The following TRPV3 variants were observed in gnomAD, a reference collection of about 807,000 sequenced individuals.
TRPV3 encodes the protein transient receptor potential cation channel subfamily V member 3, also known as VRL-3.
A neutral mutation model predicts 87.1 loss-of-function variants in TRPV3; 88 were observed. The ratio of observed to expected loss-of-function variants is 1.01; its 90% CI spans 0.85 to 1.21. The LOEUF (loss-of-function observed/expected upper bound fraction) is 1.21. TRPV3 is among the 50% of genes most tolerant of loss of function. The probability of loss-of-function intolerance (pLI) is 0.00; values close to 1 mark genes in which losing one functional copy is unlikely to be tolerated. For synonymous variants in TRPV3, 438 were observed against 423.3 expected (o/e 1.03, Z -0.43); for missense variants, 1,054 against 1,030.1 (o/e 1.02, Z -0.32).
chr17:3,531,539 C>T (rs1292347317), intron 8 of TRPV3, among the ~76,000 whole-genome samples: 3 of 152,178 alleles, frequency 2.0e-5, no homozygotes, highest in African/African-American at 7.2e-5. Context: ...TCCCCCGGGC[C>T]GGCCACAGCG....
intron 7 of TRPV3, among the ~76,000 whole-genome samples, chr17:3,535,126 GC>G (rs2074386681): frequency 6.6e-6 from 1 of 150,898 alleles, no homozygotes; most frequent in Non-Finnish European, 1.5e-5. Context: ...AAGCGGGGTG[GC>G]CCCTCCCTTC....
chr17:3,527,021 G>T, intron 11 of TRPV3, 94 bp from the exon 12 acceptor site: 1 of 1,012,736 alleles, frequency 9.9e-7, no homozygotes, highest in Non-Finnish European at 1.5e-6. Flanking sequence ...AAGACTCAGT[G>T]AGGGTTGAAT....
chr17:3,525,134 C>T (rs899970779), intron 12 of TRPV3, among the ~76,000 whole-genome samples: 5 of 152,068 alleles, frequency 3.3e-5, no homozygotes, highest in African/African-American at 7.2e-5. Flanking sequence ...ATTCTCCTGC[C>T]TCAGCCTCCC....
At position 3,530,142 on chromosome 17, in the gene TRPV3, T is replaced by A. The variant is rs2150789863; in HGVS notation, c.1127A>T (p.Lys376Met). The stretch of plus-strand genomic sequence containing the variant: ...GGGTCCGTACGCCCAGTCGGTGAAC[T>A]TCCTGGACAGGCTCCGGAGCCGCTT... ...KEKRLRSLSR[K>M]FTDWAYGPVS... The change falls in exon 9 of 18, where the codon AAG becomes ATG. Residue 376 changes from lysine to methionine, a missense_variant. Coordinates refer to ENST00000576742, the MANE Select transcript of TRPV3 (RefSeq NM_145068.4). This position sits in a 1 kb window ranked among gnomAD's most constrained non-coding sequence, Gnocchi z 4.0. 1 of 1,614,066 alleles carries A rather than the reference T, an allele frequency of 6.2e-7. No individual in the cohort carries two copies. The highest frequency in any genetic ancestry group is 2.2e-5 in the East Asian group (1 of 44,876).
intron 17 of TRPV3, 27 bp from the exon 18 acceptor site, chr17:3,514,038 A>G: frequency 6.5e-7 from 1 of 1,529,876 alleles, no homozygotes; most frequent in South Asian, 1.1e-5. Flanking sequence ...TATATATTTT[A>G]GAAATATATC....
At chr17:3,526,123 T>C (rs1054016500) in intron 12 of TRPV3, among the ~76,000 whole-genome samples, 7 of 152,118 alleles carry the variant, frequency 4.6e-5, no homozygotes, top group Non-Finnish European at 8.8e-5. Context: ...AACCATCTAA[T>C]TCATCAACTG....
Position 3,513,835 on chromosome 17 carries a change from C to T in TRPV3, c.*82G>A. On this transcript the variant is annotated 3_prime_UTR_variant, in exon 18 of 18. Coordinates refer to ENST00000576742, the MANE Select transcript of TRPV3 (RefSeq NM_145068.4). The stretch of plus-strand genomic sequence containing the variant: ...CCAGCAGAGCCGGACTCCACCATCC[C>T]TCAAAGCCTCTCTGCACAGAGTCGG... 8.0e-7 allele frequency: 1 copy of T among 1,253,910 alleles called. No homozygotes were observed. The highest frequency in any genetic ancestry group is 1.2e-6 in the Non-Finnish European group (1 of 867,930). The allele number at this position is 1,253,910 out of a possible 1,614,324, so 77.7% of individuals were successfully genotyped here. A position where few individuals can be genotyped will look rare whatever the true frequency, so the allele number is the denominator to read the frequency against.
intron 2 of TRPV3, among the ~76,000 whole-genome samples, chr17:3,548,348 G>C (rs562387711): frequency 2.0e-4 from 31 of 152,330 alleles, no homozygotes; most frequent in African/African-American, 6.5e-4. Flanking sequence ...ACCCCCCAGG[G>C]TAAAAGTCAA....
rs776653019 is a variant in TRPV3 at position 3,514,595 on chromosome 17, G to A, written c.2276C>T (p.Thr759Ile). 1 of 1,612,584 alleles carries A rather than the reference G, an allele frequency of 6.2e-7. No homozygotes were observed. The highest frequency in any genetic ancestry group is 1.7e-5 in the Admixed American group (1 of 60,022). The change falls in exon 17 of 18, where the codon ACA (threonine) becomes ATA (isoleucine). Residue 759 changes from threonine to isoleucine, a missense_variant and splice_region_variant. Coordinates refer to ENST00000576742, the MANE Select transcript of TRPV3 (RefSeq NM_145068.4). Reference sequence around the variant, plus strand: ...ATGTCACCTCACAGCGACAGTACCTGTTCGTCTTACAGGCCCCGGGTCTTC... The same window carrying A: ...ATGTCACCTCACAGCGACAGTACCTATTCGTCTTACAGGCCCCGGGTCTTC... ...LNEDPGPVRR[T>I]DFNKIQDSSR...
At chr17:3,539,381 C>A (rs745923130) in intron 6 of TRPV3, among the ~76,000 whole-genome samples, 1 of 151,560 alleles carries the variant, frequency 6.6e-6, no homozygotes, top group Admixed American at 6.6e-5. Flanking sequence ...AGGCTGGGTG[C>A]GGTGGCTCAC....
In TRPV3 at chr17:3,513,078, T is replaced by C. The variant is rs1425502223; in HGVS notation, c.*839A>G. ...CCGGAGTGTCTCATGCAGACTTTTG[T>C]GTGTGTGAAGAAAAGCTTTTTGTCT... On this transcript the variant is annotated 3_prime_UTR_variant, in exon 18 of 18. Transcript: ENST00000576742. The C allele has an allele frequency of 1.3e-5, 2 of 152,486 alleles. No homozygotes were observed. The highest frequency in any genetic ancestry group is 1.5e-5 in the Non-Finnish European group (1 of 68,062). 9.4% of individuals were successfully genotyped at this position (152,486 alleles called of 1,614,324 possible).
At chr17:3,547,064 G>T (rs1206674960) in intron 2 of TRPV3, among the ~76,000 whole-genome samples, 1 of 152,040 alleles carries the variant, frequency 6.6e-6, no homozygotes, top group East Asian at 1.9e-4. Context: ...CTTGAGCCAG[G>T]TTGCCCTGTC....
intron 2 of TRPV3, chr17:3,546,567 C>A: frequency 2.3e-6 from 1 of 439,970 alleles, no homozygotes; most frequent in Non-Finnish European, 4.6e-6. Context: ...TGTCAATTAG[C>A]TGCTAATTTA....
At position 3,539,800 on chromosome 17, in the gene TRPV3, G is replaced by T. The variant is rs12602651; in HGVS notation, c.643+2722C>A. ...ATAAAAATGTCTTAATTGAAGAATT[G>T]CTTAAAAAAGTAAAACTCTGAAGGC... On this transcript the variant is annotated intron_variant, in intron 6 of 17. Transcript: ENST00000576742. Among the ~76,000 whole-genome samples the T allele has an allele frequency of 3.8e-3, 578 of 152,182 alleles. 22 individuals carry two copies. In the East Asian group the frequency reaches 0.085, roughly 22 times the overall value.
At chr17:3,515,912 T>C (rs563164494) in intron 16 of TRPV3, among the ~76,000 whole-genome samples, 1 of 150,728 alleles carries the variant, frequency 6.6e-6, no homozygotes, top group East Asian at 2.0e-4. Context: ...AGGGGCTGGG[T>C]GCGGTGGCTC....
At chr17:3,546,303 G>A (rs141001882) in intron 2 of TRPV3, among the ~76,000 whole-genome samples, 499 of 151,842 alleles carry the variant, frequency 3.3e-3, no homozygotes, top group African/African-American at 0.011. Context: ...TTAGACAGGC[G>A]TCGTGGTGCA....
rs1193034983 is a variant in TRPV3, at chr17:3,512,045, A to C, written c.*1872T>G. ...AAGGGACCTTAAACTTCTTCCAATG[A>C]CCATTTTCAACAACATTCCTCATTA... On this transcript the variant is annotated 3_prime_UTR_variant, in exon 18 of 18. Transcript: ENST00000576742. 6.6e-6 allele frequency: 1 copy of C among 152,148 alleles called. No individual in the cohort carries two copies. Among genetic ancestry groups the C allele is most frequent in the Non-Finnish European group, 1.5e-5 (1 of 68,036 alleles). 9.4% of individuals were successfully genotyped at this position (152,148 alleles called of 1,614,324 possible).
chr17:3,522,387 A>T (rs946753214), intron 13 of TRPV3, among the ~76,000 whole-genome samples: 1 of 152,178 alleles, frequency 6.6e-6, no homozygotes. Context: ...CAGAAATATT[A>T]CACACAATAC....
At chr17:3,538,395 C>A (rs926890685) in intron 6 of TRPV3, among the ~76,000 whole-genome samples, 16 of 148,690 alleles carry the variant, frequency 1.1e-4, no homozygotes, top group African/African-American at 4.0e-4. Context: ...AAAATTAGAA[C>A]CTAAAGAGTT....
Sources: gnomAD v4.1 joint callset for allele counts (sites outside exome capture counted in the v4.1 genomes callset) on GRCh38, gnomAD v4.1.1 for gene constraint, Gnocchi (gnomAD v3.1) non-coding constraint, MANE v1.5 for transcripts, NCBI Gene and HGNC (gene_info 2026-07-23, HGNC 2026-07-21) for gene names.